COG5: variants seen among roughly 807,000 people sequenced by gnomAD.
COG5 encodes the protein conserved oligomeric Golgi complex subunit 5.
COG5 carries 86 observed loss-of-function variants against 110.4 expected under a neutral mutation model. The ratio of observed to expected loss-of-function variants is 0.78; its 90% CI spans 0.65 to 0.93. The LOEUF (loss-of-function observed/expected upper bound fraction) is 0.93, where lower values mean the gene tolerates loss of function less well. COG5 is among the 40% of genes least tolerant of loss of function. The probability of loss-of-function intolerance (pLI) is 0.00; values close to 1 mark genes in which losing one functional copy is unlikely to be tolerated. For synonymous variants in COG5, 360 were observed against 334.6 expected, an observed-to-expected ratio of 1.08 and a Z score of -0.83; for missense variants, 1,077 against 987.0, an observed-to-expected ratio of 1.09 and a Z score of -1.22.
intron 6 of COG5, among the ~76,000 whole-genome samples, chr7:107,453,699 AAGAG>A (rs1368429599): frequency 6.6e-6 from 1 of 152,116 alleles, no homozygotes; most frequent in East Asian, 1.9e-4. Context: ...CATGTTCAAA[AAGAG>A]AGCACAATAT....
At chr7:107,424,910 A>T (rs1171836632) in intron 6 of COG5, among the ~76,000 whole-genome samples, 3 of 152,298 alleles carry the variant, frequency 2.0e-5, no homozygotes, top group Non-Finnish European at 4.4e-5. Context: ...TTAAAAGCTT[A>T]GTGGACACTG....
At chr7:107,529,024 T>TTAAAAAAAAAAAAAAA (rs769481378) in intron 5 of COG5, among the ~76,000 whole-genome samples, 1 of 97,842 alleles carries the variant, frequency 1.0e-5, no homozygotes, top group African/African-American at 5.0e-5. Context: ...AATACTTAAA[T>TTAAAAAAAAAAAAAAA]AAAAAAAAAA....
chr7:107,227,134 G>A (rs1389668936), intron 19 of COG5, among the ~76,000 whole-genome samples: 1 of 152,178 alleles, frequency 6.6e-6, no homozygotes, highest in African/African-American at 2.4e-5. Context: ...TGAGAAATCT[G>A]AGAAATGGCT....
chr7:107,298,321 A>G lies in COG5; in HGVS notation c.1134T>C (p.Phe378=). ...TNSSMFLKQA[F]EGEYPKLLRL... ...GTAATAATTTAGGGTATTCTCCTTCAAATGCCTGCTTCAAAAACATCGAAG... is the reference window on the plus strand; with the variant it reads ...GTAATAATTTAGGGTATTCTCCTTCGAATGCCTGCTTCAAAAACATCGAAG... Residue 378 remains phenylalanine (F), a synonymous_variant, in exon 12 of 22, where the codon TTT becomes TTC. Coordinates refer to ENST00000297135, the MANE Select transcript of COG5 (RefSeq NM_006348.5). The G allele has an allele frequency of 6.2e-7, 1 of 1,613,578 alleles. No individual in the cohort carries two copies. The highest frequency in any genetic ancestry group is 8.5e-7 in the Non-Finnish European group (1 of 1,179,712).
intron 10 of COG5, among the ~76,000 whole-genome samples, chr7:107,337,311 G>A (rs1810787497): frequency 6.6e-6 from 1 of 152,108 alleles, no homozygotes; most frequent in African/African-American, 2.4e-5. Flanking sequence ...TTTATCTAAA[G>A]AAAAGGATAT....
chr7:107,252,164 C>G (rs908142113), intron 16 of COG5, among the ~76,000 whole-genome samples: 1 of 152,098 alleles, frequency 6.6e-6, no homozygotes, highest in South Asian at 2.1e-4. Context: ...AAGGCTGTAG[C>G]ACGCCATAAT....
intron 11 of COG5, among the ~76,000 whole-genome samples, chr7:107,313,909 A>G (rs1232819210): frequency 6.6e-6 from 1 of 152,100 alleles, no homozygotes; most frequent in Non-Finnish European, 1.5e-5. Flanking sequence ...CTGCCTATCA[A>G]TTTTCCATTT....
At chr7:107,209,834 C>G (rs958424086) in intron 21 of COG5, 2 of 985,310 alleles carry the variant, frequency 2.0e-6, no homozygotes, top group Non-Finnish European at 2.4e-6. Flanking sequence ...AAGGAAATGG[C>G]GGTCAACTGT....
At chr7:107,211,754 C>T (rs1284358852) in intron 19 of COG5, among the ~76,000 whole-genome samples, 2 of 152,192 alleles carry the variant, frequency 1.3e-5, no homozygotes, top group African/African-American at 2.4e-5. Flanking sequence ...TATGCTAGCT[C>T]CCTTATACTA....
chr7:107,450,033 TA>T (rs1245642714), intron 6 of COG5: 1 of 152,226 alleles, frequency 6.6e-6, no homozygotes. Flanking sequence ...GGTGTGGCTT[TA>T]AAAATATCAA....
At chr7:107,486,107 G>A (rs1431047885) in intron 6 of COG5, among the ~76,000 whole-genome samples, 1 of 151,892 alleles carries the variant, frequency 6.6e-6, no homozygotes, top group African/African-American at 2.4e-5. Context: ...TGAAAAATAG[G>A]TTATATTCGT....
intron 17 of COG5, among the ~76,000 whole-genome samples, chr7:107,247,022 T>C (rs1305625157): frequency 2.0e-5 from 3 of 152,194 alleles, no homozygotes; most frequent in Non-Finnish European, 2.9e-5. Flanking sequence ...ATATACACCA[T>C]GGAATACTAT....
intron 11 of COG5, among the ~76,000 whole-genome samples, chr7:107,311,549 G>T (rs543446178): frequency 0.021 from 3,093 of 149,264 alleles, 57 homozygotes; most frequent in South Asian, 0.034. Flanking sequence ...GCCCGCCACC[G>T]CGCCCGGCTA....
rs1217473347 is a variant in COG5, at chr7:107,415,813, CACACAT to C, written c.539-3187_539-3182del. Among the ~76,000 whole-genome samples the C allele has an allele frequency of 6.1e-4, 62 of 101,146 alleles. 5 individuals carry two copies. Among genetic ancestry groups the C allele is most frequent in the African/African-American group, 1.9e-3 (59 of 31,858 alleles). 66.4% of individuals were successfully genotyped at this position (101,146 alleles called of 152,430 possible). A position where few individuals can be genotyped will look rare whatever the true frequency, so the allele number is the denominator to read the frequency against. ...GTATGTATGTATGTGTGTATATATA[CACACAT>C]ACACGTATGTATGTATGTGTGTGTA... On this transcript the variant is annotated intron_variant, in intron 6 of 21. Transcript: ENST00000297135.
At chr7:107,388,904 C>T (rs531102526) in intron 7 of COG5, among the ~76,000 whole-genome samples, 5 of 152,126 alleles carry the variant, frequency 3.3e-5, no homozygotes, top group South Asian at 2.1e-4. Flanking sequence ...CTTCCACAGA[C>T]GACACAAGCC....
At chr7:107,273,595 T>C (rs1437472642) in intron 14 of COG5, among the ~76,000 whole-genome samples, 1 of 152,142 alleles carries the variant, frequency 6.6e-6, no homozygotes, top group East Asian at 1.9e-4. Flanking sequence ...ATCCTCTCAA[T>C]GAGAACATCT....
intron 14 of COG5, among the ~76,000 whole-genome samples, chr7:107,271,053 G>C (rs1457052608): frequency 6.6e-6 from 1 of 151,770 alleles, no homozygotes; most frequent in Non-Finnish European, 1.5e-5. Context: ...TTATGTAGTA[G>C]AGCAAATCGC....
In COG5 at chr7:107,278,457, T is replaced by C. The variant is rs999852027; in HGVS notation, c.1575+2843A>G. 5.3e-5 allele frequency among the ~76,000 whole-genome samples: 8 copies of C among 152,066 alleles called. No individual in the cohort carries two copies. The East Asian group carries it at 1.5e-3, about 29-fold the overall frequency. ...GCCAACAGGCCCCGGTGTGTGATGT[T>C]CCCCTCTCTGTGTCCACGTGTTCTC... On this transcript the variant is annotated intron_variant, in intron 14 of 21. Transcript: ENST00000297135.
chr7:107,296,963 G>C (rs1430185497), intron 12 of COG5, among the ~76,000 whole-genome samples: 1 of 152,208 alleles, frequency 6.6e-6, no homozygotes, highest in East Asian at 1.9e-4. Flanking sequence ...CACTTGATCT[G>C]ATGCTCAAAT....
Sources: gnomAD v4.1 joint callset for allele counts (sites outside exome capture counted in the v4.1 genomes callset) on GRCh38, gnomAD v4.1.1 for gene constraint, MANE v1.5 for transcripts, NCBI Gene and HGNC (gene_info 2026-07-23, HGNC 2026-07-21) for gene names.